Variants in PDE8A observed in about 807,000 individuals in gnomAD.
The protein encoded by PDE8A is phosphodiesterase 8A, also known as high affinity cAMP-specific and IBMX-insensitive 3',5'-cyclic phosphodiesterase 8A.
PDE8A carries 59 observed loss-of-function variants against 105.0 expected under a neutral mutation model. That is an observed-to-expected ratio of 0.56 (90% CI 0.46 to 0.70). The LOEUF (loss-of-function observed/expected upper bound fraction) is 0.70, where lower values mean the gene tolerates loss of function less well. Among genes scored for constraint, PDE8A ranks in the 30% least tolerant of loss-of-function variants. PDE8A has a pLI of 0.00. For synonymous variants in PDE8A, 355 were observed against 371.9 expected, an observed-to-expected ratio of 0.95 and a Z score of 0.52; for missense variants, 1,014 against 1,045.9, an observed-to-expected ratio of 0.97 and a Z score of 0.42.
intron 1 of PDE8A, among the ~76,000 whole-genome samples, chr15:85,061,549 T>A (rs1273827772): frequency 1.3e-5 from 2 of 152,176 alleles, no homozygotes; most frequent in Non-Finnish European, 2.9e-5. Context: ...TCTTGCTGCT[T>A]TCAAGATTCT....
At position 85,091,200 on chromosome 15, in the gene PDE8A, C is replaced by G. The variant is rs781440702; in HGVS notation, c.852+19C>G. On this transcript the variant is annotated intron_variant, in intron 8 of 21. Transcript: ENST00000394553. ...AGGCAAGGTAAGTAAGAGGTCAGTGCCTTTTTTAACTTTCACAACACAGAG... is the reference window on the plus strand; with the variant it reads ...AGGCAAGGTAAGTAAGAGGTCAGTGGCTTTTTTAACTTTCACAACACAGAG... 1 of 1,576,524 alleles carries G rather than the reference C, an allele frequency of 6.3e-7. No individual in the cohort carries two copies. The highest frequency in any genetic ancestry group is 1.2e-5 in the South Asian group (1 of 86,094).
intron 1 of PDE8A, among the ~76,000 whole-genome samples, chr15:85,030,181 A>G (rs761609512): frequency 1.3e-5 from 2 of 151,988 alleles, no homozygotes; most frequent in Non-Finnish European, 2.9e-5. Context: ...CAACCATTTT[A>G]TTTCTCTTTC....
rs954703924 is a variant in PDE8A, at chr15:85,091,274, T to C, written c.852+93T>C. On this transcript the variant is annotated intron_variant, in intron 8 of 21. Transcript: ENST00000394553. ...GAGTACTACCAGGTAATCTTAATCTTACTCCTCCCAGCAGCCCAGGGAAGT... is the reference window on the plus strand; with the variant it reads ...GAGTACTACCAGGTAATCTTAATCTCACTCCTCCCAGCAGCCCAGGGAAGT... The C allele has an allele frequency of 1.1e-5, 12 of 1,132,844 alleles. No homozygotes were observed. The African/African-American group carries it at 1.7e-4, about 16-fold the overall frequency. 70.2% of individuals were successfully genotyped at this position (1,132,844 alleles called of 1,614,324 possible).
At chr15:85,032,665 TTGAG>T (rs1173131869) in intron 1 of PDE8A, among the ~76,000 whole-genome samples, 3 of 152,204 alleles carry the variant, frequency 2.0e-5, no homozygotes, top group African/African-American at 4.8e-5. Flanking sequence ...GGAAGTTCTC[TTGAG>T]TATCATATAA....
chr15:85,077,516 A>T (rs1476469898), intron 5 of PDE8A, among the ~76,000 whole-genome samples: 1 of 152,196 alleles, frequency 6.6e-6, no homozygotes, highest in Admixed American at 6.5e-5. Context: ...TGGCAGAAGC[A>T]AATATAAATC....
chr15:85,092,333 T>TA (rs11447909), intron 8 of PDE8A, among the ~76,000 whole-genome samples: 2 of 151,714 alleles, frequency 1.3e-5, no homozygotes, highest in African/African-American at 4.9e-5. Flanking sequence ...TTGTTGTTTT[T>TA]TTTTGTTTTG....
chr15:85,090,757 C>G (rs1173347715), intron 7 of PDE8A: 1 of 498,098 alleles, frequency 2.0e-6, no homozygotes, highest in East Asian at 5.3e-5. Flanking sequence ...TGTGCACATC[C>G]CTTCCTCTGC....
intron 1 of PDE8A, among the ~76,000 whole-genome samples, chr15:85,035,095 C>T (rs1377027151): frequency 4.6e-5 from 7 of 151,216 alleles, no homozygotes; most frequent in East Asian, 1.9e-4. Flanking sequence ...ATCAAGAAGT[C>T]GGACCTTATA....
intron 19 of PDE8A, among the ~76,000 whole-genome samples, chr15:85,125,138 G>A (rs1246633175): frequency 2.0e-5 from 3 of 152,190 alleles, no homozygotes; most frequent in East Asian, 1.9e-4. Context: ...TGTCACCGGT[G>A]TAGTATTCAT....
chr15:85,072,180 C>G (rs900460691), intron 3 of PDE8A, among the ~76,000 whole-genome samples: 2 of 152,218 alleles, frequency 1.3e-5, no homozygotes, highest in African/African-American at 4.8e-5. Flanking sequence ...TCTTTTTCAT[C>G]TGAAACTCAT....
rs571299138 is a variant in PDE8A at position 85,035,311 on chromosome 15, C to T, written c.187-29059C>T. Among the ~76,000 whole-genome samples the T allele has an allele frequency of 9.6e-5, 14 of 146,438 alleles. No individual in the cohort carries two copies. In the South Asian group the frequency reaches 2.4e-3, roughly 26 times the overall value. On this transcript the variant is annotated intron_variant, in intron 1 of 21. Coordinates refer to ENST00000394553, the MANE Select transcript of PDE8A (RefSeq NM_002605.3). ...GCAACCTCCGCCTACCAGGTTCAAC[C>T]GATTCTCCTGCCTCAGCCTCCCAAG...
Position 85,076,806 on chromosome 15 carries a change from GT to G in PDE8A, c.546+21del. 7.2e-7 allele frequency: 1 copy of G among 1,381,694 alleles called. No individual in the cohort carries two copies. Among genetic ancestry groups the G allele is most frequent in the Non-Finnish European group, 1.0e-6 (1 of 968,030 alleles). 85.6% of individuals were successfully genotyped at this position (1,381,694 alleles called of 1,614,324 possible). On this transcript the variant is annotated intron_variant, in intron 5 of 21. Transcript: ENST00000394553. ...TACAAGGGTATGTACTCACTTATTT[GT>G]TATACAAGTATAATTCAATTTGAGA... is the stretch of plus-strand genomic sequence containing the variant.
intron 8 of PDE8A, chr15:85,097,689 C>G: frequency 2.6e-6 from 1 of 385,226 alleles, no homozygotes; most frequent in Non-Finnish European, 4.7e-6. Flanking sequence ...GGGTCCAGGA[C>G]CCCTCTTGTC....
chr15:85,100,557 T>TA (rs1219681591), intron 11 of PDE8A, among the ~76,000 whole-genome samples: 2 of 150,414 alleles, frequency 1.3e-5, no homozygotes, highest in African/African-American at 2.5e-5. Flanking sequence ...TCCTGACACT[T>TA]ACCACTGCCA....
At chr15:85,066,189 G>A (rs898311743) in intron 2 of PDE8A, among the ~76,000 whole-genome samples, 7 of 152,120 alleles carry the variant, frequency 4.6e-5, no homozygotes, top group African/African-American at 1.2e-4. Flanking sequence ...ATATTAATGT[G>A]TTTTAATTCT....
At chr15:85,037,808 AAG>A (rs1366769327) in intron 1 of PDE8A, among the ~76,000 whole-genome samples, 2 of 152,216 alleles carry the variant, frequency 1.3e-5, no homozygotes, top group African/African-American at 4.8e-5. Context: ...TTTAGACAAA[AAG>A]ATCATTTCTC....
intron 1 of PDE8A, among the ~76,000 whole-genome samples, chr15:85,012,889 T>G (rs2080264464): frequency 6.6e-6 from 1 of 152,194 alleles, no homozygotes; most frequent in Non-Finnish European, 1.5e-5. Context: ...TAATATTATA[T>G]TGGCTTGTAT....
At chr15:85,130,445 C>A (rs1250017351) in intron 20 of PDE8A, among the ~76,000 whole-genome samples, 18 of 152,134 alleles carry the variant, frequency 1.2e-4, no homozygotes, top group Admixed American at 1.1e-3. Flanking sequence ...CTTTGTATGA[C>A]CTTACCTTTT....
rs553880865 is a variant in PDE8A, at chr15:84,983,581, C to T, written c.186+1233C>T. 8.5e-5 allele frequency among the ~76,000 whole-genome samples: 13 copies of T among 152,240 alleles called. No homozygotes were observed. In the South Asian group the frequency reaches 2.5e-3, roughly 29 times the overall value. On this transcript the variant is annotated intron_variant, in intron 1 of 21. Coordinates refer to ENST00000394553, the MANE Select transcript of PDE8A (RefSeq NM_002605.3). The stretch of plus-strand genomic sequence containing the variant: ...GTTCTGATTATCAGAAATTGAATTC[C>T]TTCTCCTATAGATTCTTTAAAGAAA...
Sources: allele counts gnomAD v4.1 joint callset (sites outside exome capture counted in the v4.1 genomes callset), GRCh38; gene constraint gnomAD v4.1.1; transcripts MANE v1.5; gene names NCBI Gene and HGNC (gene_info 2026-07-23, HGNC 2026-07-21).